Variants in BCL2 observed in about 807,000 individuals in gnomAD.
BCL2 encodes the protein BCL2 apoptosis regulator.
Under a neutral mutation model 14.2 loss-of-function variants are expected in BCL2, and 1 was observed. The observed-to-expected ratio is 0.07, with a 90% confidence interval of 0.02 to 0.33. BCL2 has a LOEUF of 0.33. Ranked by LOEUF, BCL2 falls within the 10% of genes least tolerant of loss-of-function variation. BCL2 has a pLI of 0.99. For synonymous variants in BCL2, 151 were observed against 137.2 expected (o/e 1.10, Z -0.70); for missense variants, 247 against 305.9 (o/e 0.81, Z 1.44).
chr18:63,167,065 A>C (rs999312993), intron 2 of BCL2, among the ~76,000 whole-genome samples: 7 of 152,204 alleles, frequency 4.6e-5, no homozygotes, highest in African/African-American at 1.7e-4. Flanking sequence ...GGGAAAGGTG[A>C]TGGGAGCACG....
intron 2 of BCL2, among the ~76,000 whole-genome samples, chr18:63,296,567 G>T (rs151007564): frequency 3.2e-4 from 48 of 152,324 alleles, no homozygotes; most frequent in African/African-American, 1.2e-3. Flanking sequence ...GTCTCCCACA[G>T]TGCGGGGATT....
chr18:63,268,291 A>C (rs2144235451), intron 2 of BCL2, among the ~76,000 whole-genome samples: 1 of 152,230 alleles, frequency 6.6e-6, no homozygotes, highest in South Asian at 2.1e-4. Context: ...AGCAAAACCA[A>C]CCCCCAGTTA....
chr18:63,307,408 T>G (rs1205543589), intron 2 of BCL2, among the ~76,000 whole-genome samples: 1 of 152,252 alleles, frequency 6.6e-6, no homozygotes, highest in African/African-American at 2.4e-5. Flanking sequence ...AAAGCATTTT[T>G]AGCTACTGAT....
intron 2 of BCL2, among the ~76,000 whole-genome samples, chr18:63,245,849 G>T (rs1178099153): frequency 2.0e-5 from 3 of 152,160 alleles, no homozygotes; most frequent in African/African-American, 7.2e-5. Flanking sequence ...CTATGAGAAA[G>T]TTACTGCCTA....
intron 2 of BCL2, among the ~76,000 whole-genome samples, chr18:63,132,972 G>A (rs114606005): frequency 3.1e-4 from 47 of 152,310 alleles, no homozygotes; most frequent in African/African-American, 1.1e-3. Flanking sequence ...CGGATCACAG[G>A]TTCACACGGA....
chr18:63,182,685 T>C (rs1222088911), intron 2 of BCL2, among the ~76,000 whole-genome samples: 1 of 152,214 alleles, frequency 6.6e-6, no homozygotes, highest in Non-Finnish European at 1.5e-5. Context: ...ACAGGCTTCA[T>C]TGGCCCATTC....
In BCL2 at chr18:63,123,645, AC is replaced by A; in HGVS notation, c.*4979del. ...TTCAATACAAAAACACTTATTGTAC[AC>A]TTATTTTTATTTAAAACAAAAATAA... On this transcript the variant is annotated 3_prime_UTR_variant, in exon 3 of 3. Transcript: ENST00000333681. 4.7e-6 allele frequency: 1 copy of A among 211,702 alleles called. No homozygotes were observed. The highest frequency in any genetic ancestry group is 1.5e-3 in the Middle Eastern group (1 of 674). 13.1% of individuals were successfully genotyped at this position (211,702 alleles called of 1,614,324 possible). A position where few individuals can be genotyped will look rare whatever the true frequency, so the allele number is the denominator to read the frequency against.
intron 2 of BCL2, among the ~76,000 whole-genome samples, chr18:63,233,102 C>G (rs1910730598): frequency 6.6e-6 from 1 of 152,160 alleles, no homozygotes; most frequent in Non-Finnish European, 1.5e-5. Flanking sequence ...GGTAAGAGAG[C>G]TCCGTGGGGT....
intron 2 of BCL2, among the ~76,000 whole-genome samples, chr18:63,204,534 T>A (rs774064343): frequency 1.8e-4 from 28 of 152,236 alleles, no homozygotes; most frequent in Admixed American, 5.2e-4. Flanking sequence ...TAGCCCCAAA[T>A]AATCACATCC....
chr18:63,313,001 CT>C (rs1913381097), intron 2 of BCL2, among the ~76,000 whole-genome samples: 1 of 152,182 alleles, frequency 6.6e-6, no homozygotes, highest in African/African-American at 2.4e-5. Flanking sequence ...CATTTTGGCC[CT>C]GTTTAAATTA....
chr18:63,213,110 T>C (rs1270054465), intron 2 of BCL2, among the ~76,000 whole-genome samples: 2 of 152,190 alleles, frequency 1.3e-5, no homozygotes, highest in African/African-American at 4.8e-5. Context: ...TCCTGCTGGT[T>C]CTCTGTGTTA....
At chr18:63,144,883 G>A (rs1210124826) in intron 2 of BCL2, among the ~76,000 whole-genome samples, 3 of 152,100 alleles carry the variant, frequency 2.0e-5, no homozygotes, top group Non-Finnish European at 4.4e-5. Context: ...CCCCGCCCCC[G>A]CCGCCCTGGG....
chr18:63,222,271 C>A (rs1910414750), intron 2 of BCL2, among the ~76,000 whole-genome samples: 3 of 100,678 alleles, frequency 3.0e-5, no homozygotes, highest in Admixed American at 1.1e-4. Context: ...GAGACTCCAC[C>A]TCAAAAAAAA....
At chr18:63,255,914 A>C (rs964863539) in intron 2 of BCL2, among the ~76,000 whole-genome samples, 1 of 152,180 alleles carries the variant, frequency 6.6e-6, no homozygotes, top group Non-Finnish European at 1.5e-5. Flanking sequence ...GATTTCACAA[A>C]ACTTCCTATT....
chr18:63,207,629 C>A (rs1245338626), intron 2 of BCL2: 5 of 146,004 alleles, frequency 3.4e-5, no homozygotes, highest in Non-Finnish European at 6.0e-5. Flanking sequence ...GGGCAGGAGT[C>A]AGTCCACCTG....
At chr18:63,142,045 G>A (rs377296825) in intron 2 of BCL2, among the ~76,000 whole-genome samples, 2 of 152,244 alleles carry the variant, frequency 1.3e-5, no homozygotes, top group Non-Finnish European at 2.9e-5. Flanking sequence ...ATCGCTGCTG[G>A]GGGCAGTGAG....
intron 2 of BCL2, among the ~76,000 whole-genome samples, chr18:63,293,462 C>A (rs970188715): frequency 6.6e-6 from 1 of 152,208 alleles, no homozygotes; most frequent in East Asian, 1.9e-4. Flanking sequence ...CAACAGTTCT[C>A]TATGAGATAT....
At chr18:63,210,891 A>G (rs947416133) in intron 2 of BCL2, among the ~76,000 whole-genome samples, 4 of 151,902 alleles carry the variant, frequency 2.6e-5, no homozygotes, top group Non-Finnish European at 5.9e-5. Flanking sequence ...TCACCATCTC[A>G]TTGTTCTGTG....
intron 2 of BCL2, among the ~76,000 whole-genome samples, chr18:63,313,325 C>G (rs374035913): frequency 6.6e-6 from 1 of 152,190 alleles, no homozygotes; most frequent in South Asian, 2.1e-4. Flanking sequence ...CATCATTAAT[C>G]CTGCTTAGAC....
Sources: gnomAD v4.1 joint callset for allele counts (sites outside exome capture counted in the v4.1 genomes callset) on GRCh38, gnomAD v4.1.1 for gene constraint, MANE v1.5 for transcripts, NCBI Gene and HGNC (gene_info 2026-07-23, HGNC 2026-07-21) for gene names.